The following AKR1C3 variants were observed in gnomAD, a reference collection of about 807,000 sequenced individuals.
The protein encoded by AKR1C3 is aldo-keto reductase family 1 member C3.
A neutral mutation model predicts 43.6 loss-of-function variants in AKR1C3; 48 were observed. That is an observed-to-expected ratio of 1.10 (90% confidence interval 0.87 to 1.40). The LOEUF is 1.40. AKR1C3 is among the 40% of genes most tolerant of loss of function. The pLI, the probability that AKR1C3 is intolerant of heterozygous loss-of-function variation, is 0.00. For missense variants in AKR1C3, 482 were observed against 391.2 expected (o/e 1.23, Z -1.96); for synonymous variants, 162 against 139.6 (o/e 1.16, Z -1.13).
At chr10:5,063,124 T>C (rs1215345110) in intron 1 of AKR1C3, among the ~76,000 whole-genome samples, 2 of 152,198 alleles carry the variant, frequency 1.3e-5, no homozygotes, top group African/African-American at 2.4e-5. Context: ...ATTTTTGAAA[T>C]TTTGGAATTG....
intron 1 of AKR1C3, among the ~76,000 whole-genome samples, chr10:5,053,429 C>T (rs533277561): frequency 3.2e-4 from 48 of 152,362 alleles, no homozygotes; most frequent in African/African-American, 9.6e-4. Flanking sequence ...CCACCCGGAA[C>T]TCGTGCTGGC....
intron 1 of AKR1C3, among the ~76,000 whole-genome samples, chr10:5,065,414 A>G (rs1236602153): frequency 6.6e-6 from 1 of 152,206 alleles, no homozygotes; most frequent in Non-Finnish European, 1.5e-5. Context: ...AAATGTATAT[A>G]CCACATTTTA....
intron 5 of AKR1C3, chr10:5,099,715 A>G: frequency 4.1e-6 from 2 of 484,344 alleles, no homozygotes; most frequent in South Asian, 2.8e-5. Flanking sequence ...GGAATCATCA[A>G]TTAGAACTCA....
chr10:5,105,196 G>A, intron 7 of AKR1C3: 2 of 157,862 alleles, frequency 1.3e-5, no homozygotes, highest in African/African-American at 4.8e-5. Context: ...AAGAGATATA[G>A]AAATTCAACA....
chr10:5,097,765 C>T, intron 3 of AKR1C3: 3 of 1,314,270 alleles, frequency 2.3e-6, no homozygotes, highest in Non-Finnish European at 2.9e-6. Context: ...ACAGCAACCT[C>T]AAAGCCTCTT....
At chr10:5,066,349 C>T (rs77619356) in intron 1 of AKR1C3, among the ~76,000 whole-genome samples, 1 of 152,260 alleles carries the variant, frequency 6.6e-6, no homozygotes, top group African/African-American at 2.4e-5. Context: ...CAGGTTCTCA[C>T]TTAGGTGAGA....
At chr10:5,101,894 C>T (rs1162094411) in intron 5 of AKR1C3, among the ~76,000 whole-genome samples, 2 of 152,156 alleles carry the variant, frequency 1.3e-5, no homozygotes, top group Non-Finnish European at 2.9e-5. Flanking sequence ...CATAGATGAG[C>T]TTCTGTTCAG....
upstream of AKR1C3, among the ~76,000 whole-genome samples, chr10:5,093,165 C>G (rs1015699551): frequency 1.3e-5 from 2 of 152,014 alleles, no homozygotes; most frequent in African/African-American, 4.8e-5. Context: ...CGTCTCTTCC[C>G]CTAATCTCTT....
rs782732118 is a variant in AKR1C3 at position 5,096,560 on chromosome 10, A to G, written c.235A>G (p.Ile79Val). The G allele has an allele frequency of 1.2e-5, 19 of 1,613,488 alleles. No individual in the cohort carries two copies. Among genetic ancestry groups the G allele is most frequent in the Non-Finnish European group, 1.4e-5 (17 of 1,179,632 alleles). Residue 79 changes from isoleucine (I) to valine (V), a missense_variant, in exon 2 of 9, where the codon ATA (isoleucine) becomes GTA (valine). Transcript: ENST00000380554. ...AGATGGCAGTGTGAAGAGAGAAGAC[A>G]TATTCTACACTTCAAAGGTACTGTG... ...IADGSVKRED[I>V]FYTSKLWSTF...
At chr10:5,059,148 C>G (rs1554779956) in intron 1 of AKR1C3, among the ~76,000 whole-genome samples, 1 of 152,030 alleles carries the variant, frequency 6.6e-6, no homozygotes, top group East Asian at 1.9e-4. Context: ...CCAGGTAGTC[C>G]CCACTATGAT....
chr10:5,060,833 G>A (rs1197688991), intron 1 of AKR1C3, among the ~76,000 whole-genome samples: 6 of 152,228 alleles, frequency 3.9e-5, no homozygotes, highest in East Asian at 1.9e-4. Flanking sequence ...CCTGCCCTGT[G>A]GGGAGACAGC....
At chr10:5,069,746 C>A (rs1554781156) in intron 1 of AKR1C3, among the ~76,000 whole-genome samples, 1 of 152,056 alleles carries the variant, frequency 6.6e-6, no homozygotes, top group Non-Finnish European at 1.5e-5. Context: ...TGGTGGCAGG[C>A]ACCTGTAGTT....
At chr10:5,080,103 C>CT (rs1280595568) in intron 1 of AKR1C3, among the ~76,000 whole-genome samples, 10 of 152,120 alleles carry the variant, frequency 6.6e-5, no homozygotes, top group Non-Finnish European at 1.3e-4. Flanking sequence ...AGATCTTTGT[C>CT]TTTTTTCTTT....
chr10:5,105,071 G>C (rs1839465268), intron 7 of AKR1C3, among the ~76,000 whole-genome samples: 1 of 152,048 alleles, frequency 6.6e-6, no homozygotes, highest in South Asian at 2.1e-4. Flanking sequence ...TAGAGAGTAA[G>C]ATACACTTCA....
intron 1 of AKR1C3, among the ~76,000 whole-genome samples, chr10:5,059,116 T>C (rs905772750): frequency 3.9e-5 from 6 of 152,160 alleles, no homozygotes; most frequent in Admixed American, 1.3e-4. Context: ...GGCCTGTTAG[T>C]CTGAGGAGGG....
intron 1 of AKR1C3, among the ~76,000 whole-genome samples, chr10:5,064,361 C>T (rs782332539): frequency 6.6e-6 from 1 of 152,094 alleles, no homozygotes; most frequent in Non-Finnish European, 1.5e-5. Context: ...GCCTTCCTTA[C>T]ACTGTATTAA....
chr10:5,065,361 C>T (rs1378483842), intron 1 of AKR1C3, among the ~76,000 whole-genome samples: 1 of 152,146 alleles, frequency 6.6e-6, no homozygotes, highest in African/African-American at 2.4e-5. Flanking sequence ...AATTAAATGC[C>T]TGTCAACACC....
chr10:5,083,885 A>G (rs1838894642), intron 1 of AKR1C3, among the ~76,000 whole-genome samples: 1 of 152,170 alleles, frequency 6.6e-6, no homozygotes. Context: ...TCTTTTGAGA[A>G]GTGTCTGTTC....
chr10:5,094,660 G>A lies in AKR1C3; in HGVS notation c.84+132G>A, dbSNP rs1182798871. 6.4e-6 allele frequency: 6 copies of A among 939,092 alleles called. No individual in the cohort carries two copies. In the African/African-American group the frequency reaches 1.0e-4, roughly 16 times the overall value. 58.2% of individuals were successfully genotyped at this position (939,092 alleles called of 1,614,324 possible). ...TCACTGGTCTAGGTTTCCTAGGCTA[G>A]GAGAAAAAAGTAGGCAATCCTTGTT... On this transcript the variant is annotated intron_variant, in intron 1 of 8. Transcript: ENST00000380554.
Sources: gnomAD v4.1 joint callset for allele counts (sites outside exome capture counted in the v4.1 genomes callset) on GRCh38, gnomAD v4.1.1 for gene constraint, MANE v1.5 for transcripts, NCBI Gene and HGNC (gene_info 2026-07-23, HGNC 2026-07-21) for gene names.